Variants in CDK14 observed in about 807,000 individuals in gnomAD.
The protein encoded by CDK14 is cyclin-dependent kinase 14.
CDK14 carries 34 observed loss-of-function variants against 60.7 expected under a neutral mutation model. That is an observed-to-expected ratio of 0.56 (90% CI 0.43 to 0.75). The LOEUF (loss-of-function observed/expected upper bound fraction) is 0.75, where lower values mean the gene tolerates loss of function less well. CDK14 is among the 30% of genes least tolerant of loss of function. The pLI is 0.00. For missense variants in CDK14, 482 were observed against 564.1 expected (o/e 0.85, Z 1.47); for synonymous variants, 197 against 203.7 (o/e 0.97, Z 0.28).
intron 10 of CDK14, among the ~76,000 whole-genome samples, chr7:91,023,411 G>A (rs1017303262): frequency 3.9e-5 from 6 of 152,104 alleles, no homozygotes; most frequent in African/African-American, 1.2e-4. Context: ...AATTTCTACT[G>A]TTGACAAGAT....
chr7:91,119,946 G>A (rs1274670624), intron 14 of CDK14, among the ~76,000 whole-genome samples: 1 of 152,192 alleles, frequency 6.6e-6, no homozygotes, highest in Non-Finnish European at 1.5e-5. Flanking sequence ...GACAAAGAGT[G>A]GGGCTAGGTT....
At chr7:90,682,300 C>T (rs1801332967) in intron 2 of CDK14, among the ~76,000 whole-genome samples, 1 of 152,058 alleles carries the variant, frequency 6.6e-6, no homozygotes, top group Non-Finnish European at 1.5e-5. Context: ...AAGCTAAGTA[C>T]ATTTTAAAAC....
rs1055989470 is a variant in CDK14, at chr7:90,726,403, AT to A, written c.124-157del. The A allele has an allele frequency of 4.0e-6, 5 of 1,257,890 alleles. No homozygotes were observed. The South Asian group carries it at 4.9e-5, about 12-fold the overall frequency. 77.9% of individuals were successfully genotyped at this position (1,257,890 alleles called of 1,614,324 possible). ...AAGTGTAAACACAATGATTGTGAGG[AT>A]TTTTTTGTACTGTAATTTATGCTGA... On this transcript the variant is annotated intron_variant, in intron 2 of 14. Coordinates refer to ENST00000380050, the MANE Select transcript of CDK14 (RefSeq NM_001287135.2).
At chr7:91,026,923 G>A (rs1371187127) in intron 10 of CDK14, among the ~76,000 whole-genome samples, 2 of 152,120 alleles carry the variant, frequency 1.3e-5, no homozygotes, top group African/African-American at 4.8e-5. Context: ...TTTCTTGCTG[G>A]AGCTCCTCTA....
At chr7:91,176,492 A>C (rs1461947010) in intron 14 of CDK14, among the ~76,000 whole-genome samples, 1 of 152,164 alleles carries the variant, frequency 6.6e-6, no homozygotes, top group East Asian at 1.9e-4. Context: ...GACCAAAAAA[A>C]CCCTTCAAAA....
chr7:90,911,734 G>A (rs993958302), intron 7 of CDK14, among the ~76,000 whole-genome samples: 1 of 152,150 alleles, frequency 6.6e-6, no homozygotes. Context: ...CTTACTGCAA[G>A]TGTCAGTAGT....
intron 2 of CDK14, among the ~76,000 whole-genome samples, chr7:90,658,457 C>T (rs1075012): frequency 2.0e-5 from 3 of 151,904 alleles, no homozygotes; most frequent in Admixed American, 6.6e-5. Context: ...GATCTAATTA[C>T]CTCCCCAGGG....
intron 2 of CDK14, among the ~76,000 whole-genome samples, chr7:90,652,021 C>T (rs1432563159): frequency 6.6e-6 from 1 of 152,162 alleles, no homozygotes; most frequent in Admixed American, 6.6e-5. Context: ...TCCCAGTGGC[C>T]TCCATCCTCA....
At chr7:90,978,618 A>C (rs184469935) in intron 9 of CDK14, among the ~76,000 whole-genome samples, 1 of 152,254 alleles carries the variant, frequency 6.6e-6, no homozygotes, top group African/African-American at 2.4e-5. Flanking sequence ...TCTCCCTCCC[A>C]TGATGCATAT....
Position 90,955,679 on chromosome 7 carries a change from G to A in CDK14, c.827-18G>A, listed in dbSNP as rs972273957. 6.2e-6 allele frequency: 10 copies of A among 1,611,754 alleles called. No individual in the cohort carries two copies. Among genetic ancestry groups the A allele is most frequent in the Non-Finnish European group, 8.5e-6 (10 of 1,178,572 alleles). On this transcript the variant is annotated intron_variant, in intron 8 of 14. Transcript: ENST00000380050. Reference sequence around the variant, plus strand: ...GCTAATGCCTGTTAAACTTCTTTATGTTTCATATAACCCACAGGTCTTGCA... The same window carrying A: ...GCTAATGCCTGTTAAACTTCTTTATATTTCATATAACCCACAGGTCTTGCA...
At chr7:90,913,060 G>A (rs1792959039) in intron 7 of CDK14, among the ~76,000 whole-genome samples, 1 of 152,138 alleles carries the variant, frequency 6.6e-6, no homozygotes, top group African/African-American at 2.4e-5. Flanking sequence ...TTTAGAAAAA[G>A]AATGTGTGTG....
At chr7:90,709,596 G>A (rs202007582) in intron 2 of CDK14, 6 of 1,612,900 alleles carry the variant, frequency 3.7e-6, no homozygotes, top group Non-Finnish European at 5.1e-6. Flanking sequence ...CTCTGCCTTC[G>A]TGGGAACTCC....
intron 3 of CDK14, among the ~76,000 whole-genome samples, chr7:90,740,040 A>G (rs73707515): frequency 0.015 from 2,303 of 152,092 alleles, 48 homozygotes; most frequent in African/African-American, 0.051. Context: ...AAATTTCTTG[A>G]AGAAAGAAAT....
intron 2 of CDK14, among the ~76,000 whole-genome samples, chr7:90,610,622 T>C (rs1799520265): frequency 6.6e-6 from 1 of 152,224 alleles, no homozygotes; most frequent in Admixed American, 6.5e-5. Context: ...AGTTGGTTCT[T>C]TCAGAGGACT....
intron 3 of CDK14, among the ~76,000 whole-genome samples, chr7:90,743,960 G>A (rs7797049): frequency 0.64 from 97,327 of 151,350 alleles, 31,666 homozygotes; most frequent in East Asian, 0.96. Flanking sequence ...AAGTTGATTC[G>A]TGTATGTTTA....
intron 4 of CDK14, among the ~76,000 whole-genome samples, chr7:90,748,808 T>A (rs1803696040): frequency 6.6e-6 from 1 of 152,188 alleles, no homozygotes; most frequent in African/African-American, 2.4e-5. Context: ...AGGCTGGTTT[T>A]AAACTCCTGG....
At chr7:91,049,428 G>T (rs1171841057) in intron 11 of CDK14, among the ~76,000 whole-genome samples, 1 of 152,068 alleles carries the variant, frequency 6.6e-6, no homozygotes, top group Non-Finnish European at 1.5e-5. Context: ...TGTTATTTTG[G>T]CCAGGCCAGT....
In CDK14 at chr7:90,889,827, T is replaced by G. The variant is rs530878083; in HGVS notation, c.640-9464T>G. Among the ~76,000 whole-genome samples the G allele has an allele frequency of 1.4e-4, 22 of 152,332 alleles. No homozygotes were observed. The South Asian group carries it at 3.1e-3, about 21-fold the overall frequency. On this transcript the variant is annotated intron_variant, in intron 6 of 14. Coordinates refer to ENST00000380050, the MANE Select transcript of CDK14 (RefSeq NM_001287135.2). ...CTTGAGAATAACATATCTGAGTGTT[T>G]GATGATGAAATAGTTTGCAGACCAT...
Position 90,927,473 on chromosome 7 carries a change from T to A in CDK14, c.826+9749T>A, listed in dbSNP as rs1223396581. Among the ~76,000 whole-genome samples, 3 of 152,156 alleles carry A rather than the reference T, an allele frequency of 2.0e-5. No individual in the cohort carries two copies. In the East Asian group the frequency reaches 5.8e-4, roughly 29 times the overall value. On this transcript the variant is annotated intron_variant, in intron 8 of 14. Transcript: ENST00000380050. ...GGAACTCTGTGCCAGGATGAAGACC[T>A]GGGATGAAGACCAAATAAATATTTC...
Sources: gnomAD v4.1 joint callset for allele counts (sites outside exome capture counted in the v4.1 genomes callset) on GRCh38, gnomAD v4.1.1 for gene constraint, MANE v1.5 for transcripts, NCBI Gene and HGNC (gene_info 2026-07-23, HGNC 2026-07-21) for gene names.